The following SPATA16 variants were observed in gnomAD, a reference collection of about 807,000 sequenced individuals.
SPATA16 encodes spermatogenesis associated 16, also known as spermatogenesis-associated protein 16.
In SPATA16, 36 loss-of-function variants were observed where a neutral mutation model predicts 63.3. The ratio of observed to expected loss-of-function variants is 0.57; its 90% CI spans 0.44 to 0.75. The LOEUF is 0.75. SPATA16 is among the 30% of genes least tolerant of loss of function. The probability of loss-of-function intolerance (pLI) is 0.00; values close to 1 mark genes in which losing one functional copy is unlikely to be tolerated. For missense variants in SPATA16, 646 were observed against 679.3 expected (o/e 0.95, Z 0.54); for synonymous variants, 203 against 216.7 (o/e 0.94, Z 0.56).
chr3:173,003,314 T>C (rs536144253), intron 4 of SPATA16, among the ~76,000 whole-genome samples: 2 of 152,166 alleles, frequency 1.3e-5, no homozygotes, highest in Non-Finnish European at 2.9e-5. Context: ...ATACTTAATA[T>C]GCTCATTAGT....
intron 4 of SPATA16, among the ~76,000 whole-genome samples, chr3:173,016,332 C>G (rs1464014305): frequency 6.6e-6 from 1 of 152,180 alleles, no homozygotes; most frequent in Non-Finnish European, 1.5e-5. Flanking sequence ...TCCAGCCTCT[C>G]TTGTTGAGAG....
intron 7 of SPATA16, 59 bp from the exon 8 acceptor site, chr3:172,924,376 T>G: frequency 7.3e-7 from 1 of 1,374,502 alleles, no homozygotes; most frequent in South Asian, 1.2e-5. Flanking sequence ...TTTCAAAATA[T>G]TTTCTTTAGC....
At position 172,976,997 on chromosome 3, in the gene SPATA16, T is replaced by C. The variant is rs780235993; in HGVS notation, c.904A>G (p.Ile302Val). 14 of 1,612,284 alleles carry C rather than the reference T, an allele frequency of 8.7e-6. No individual in the cohort carries two copies. The highest frequency in any genetic ancestry group is 3.3e-4 in the Middle Eastern group (2 of 6,060). ...CAATACAGTTTGATGAGCTTGCTTA[T>C]GCTCTCTTCCCTTCCTCCACCAAGC... ...FWLGGGREESISKLIKLYWQA... is the reference protein window; with the variant it reads ...FWLGGGREESVSKLIKLYWQA... Residue 302 changes from isoleucine (I) to valine (V), a missense_variant, in exon 5 of 11, where the codon ATA (isoleucine) becomes GTA (valine). Coordinates refer to ENST00000351008, the MANE Select transcript of SPATA16 (RefSeq NM_031955.6).
intron 5 of SPATA16, among the ~76,000 whole-genome samples, chr3:172,971,512 C>T (rs1499624): frequency 0.3 from 46,280 of 151,956 alleles, 7,749 homozygotes; most frequent in Middle Eastern, 0.39. Flanking sequence ...ATTTAAGTAC[C>T]TTATAGTCTG....
In SPATA16 at chr3:172,924,297, G is replaced by T. The variant is rs796111242; in HGVS notation, c.1249C>A (p.Leu417Met). ...IFTEHKTPFG[L>M]TREDTVRQME... ...TGCCTCACTGTATCTTCTCTGGTCA[G>T]ACCGAAAGGTGTTTTATGCTCTAAA... The change falls in exon 8 of 11, where the codon CTG becomes ATG. Residue 417 changes from leucine (L) to methionine (M), a missense_variant. By Grantham distance (15) the Leu-to-Met change is conservative (BLOSUM62 2). Coordinates refer to ENST00000351008, the MANE Select transcript of SPATA16 (RefSeq NM_031955.6). 6.2e-7 allele frequency: 1 copy of T among 1,613,044 alleles called. No homozygotes were observed. Among genetic ancestry groups the T allele is most frequent in the South Asian group, 1.1e-5 (1 of 91,048 alleles).
intron 2 of SPATA16, among the ~76,000 whole-genome samples, chr3:173,068,389 T>A (rs1736575038): frequency 6.6e-6 from 1 of 152,240 alleles, no homozygotes; most frequent in South Asian, 2.1e-4. Flanking sequence ...TTCTATTTGC[T>A]TCTTTGTTTT....
At chr3:172,908,834 T>C in intron 10 of SPATA16, among the ~76,000 whole-genome samples, 1 of 151,846 alleles carries the variant, frequency 6.6e-6, no homozygotes, top group East Asian at 1.9e-4. Context: ...CTTGTACAAT[T>C]AGGTTTTTTT....
intron 10 of SPATA16, among the ~76,000 whole-genome samples, chr3:172,909,657 T>C (rs139670366): frequency 6.6e-6 from 1 of 152,200 alleles, no homozygotes; most frequent in East Asian, 1.9e-4. Flanking sequence ...TCCAGCCCCA[T>C]GCATGGAAGC....
At chr3:173,021,121 A>G (rs1428232845) in intron 3 of SPATA16, among the ~76,000 whole-genome samples, 1 of 152,218 alleles carries the variant, frequency 6.6e-6, no homozygotes, top group Non-Finnish European at 1.5e-5. Context: ...AATAAAGTAG[A>G]AAAAAATCTG....
intron 4 of SPATA16, among the ~76,000 whole-genome samples, chr3:173,009,551 G>A (rs377059146): frequency 9.8e-5 from 15 of 152,342 alleles, no homozygotes; most frequent in East Asian, 5.8e-4. Flanking sequence ...GAGCACCCTA[G>A]AGCCAGCTAC....
At chr3:172,993,672 G>C (rs1577122733) in intron 4 of SPATA16, among the ~76,000 whole-genome samples, 1 of 152,096 alleles carries the variant, frequency 6.6e-6, no homozygotes, top group Admixed American at 6.6e-5. Flanking sequence ...TTTGTGTATA[G>C]GTTGTATACA....
rs570038804 is a variant in SPATA16, at chr3:173,068,983, G to A, written c.613-19889C>T. ...AAATTAGCCGGGCGTGGTGGCAGGC[G>A]CCTGTAGTCCCAGCTACTCGGGAGG... On this transcript the variant is annotated intron_variant, in intron 2 of 10. Coordinates refer to ENST00000351008, the MANE Select transcript of SPATA16 (RefSeq NM_031955.6). Among the ~76,000 whole-genome samples, 867 of 151,332 alleles carry A rather than the reference G, an allele frequency of 5.7e-3. 8 individuals are homozygous for A. The highest frequency in any genetic ancestry group is 0.02 in the African/African-American group (812 of 41,146).
At chr3:173,102,292 T>C (rs906845398) in intron 2 of SPATA16, among the ~76,000 whole-genome samples, 1 of 152,240 alleles carries the variant, frequency 6.6e-6, no homozygotes, top group Non-Finnish European at 1.5e-5. Flanking sequence ...CAGGTTCTTA[T>C]ATGTTCAAAT....
At position 173,073,955 on chromosome 3, in the gene SPATA16, G is replaced by C. The variant is rs367677901; in HGVS notation, c.613-24861C>G. Among the ~76,000 whole-genome samples the C allele has an allele frequency of 9.2e-5, 14 of 152,212 alleles. 2 individuals are homozygous for C. The highest frequency in any genetic ancestry group is 3.4e-4 in the African/African-American group (14 of 41,464). On this transcript the variant is annotated intron_variant, in intron 2 of 10. Transcript: ENST00000351008. Reference sequence around the variant, plus strand: ...CCATGGGAACCCACCTCTTGCATCAGTGTGACCTGGATAAGAGACATGGAG... The same window carrying C: ...CCATGGGAACCCACCTCTTGCATCACTGTGACCTGGATAAGAGACATGGAG...
At chr3:173,012,837 C>G (rs1008689126) in intron 4 of SPATA16, among the ~76,000 whole-genome samples, 5 of 152,088 alleles carry the variant, frequency 3.3e-5, no homozygotes, top group Non-Finnish European at 5.9e-5. Flanking sequence ...GGAAGAAAAC[C>G]TAGGATATAC....
Position 172,980,668 on chromosome 3 carries a change from C to T in SPATA16, c.849-3616G>A, listed in dbSNP as rs145666008. ...CGCCTAATCATGGAAACTGCTCCGC[C>T]AAGTATCTCACTCTTCTAGTTTCTT... is the stretch of plus-strand genomic sequence containing the variant. On this transcript the variant is annotated intron_variant, in intron 4 of 10. Transcript: ENST00000351008. Among the ~76,000 whole-genome samples the T allele has an allele frequency of 8.0e-3, 1,219 of 152,268 alleles. 11 individuals are homozygous for T. Among genetic ancestry groups the T allele is most frequent in the South Asian group, 0.051 (247 of 4,820 alleles).
At chr3:173,118,078 C>A (rs1164142112) in intron 1 of SPATA16, among the ~76,000 whole-genome samples, 1 of 152,048 alleles carries the variant, frequency 6.6e-6, no homozygotes, top group Non-Finnish European at 1.5e-5. Flanking sequence ...GCCACTGAGA[C>A]AAGAAAAGCC....
At chr3:172,912,393 A>C (rs1209415385) in intron 10 of SPATA16, among the ~76,000 whole-genome samples, 1 of 151,958 alleles carries the variant, frequency 6.6e-6, no homozygotes, top group East Asian at 1.9e-4. Context: ...ATATCTAACT[A>C]TTTTTTCTGG....
chr3:172,986,726 G>A (rs1178704558), intron 4 of SPATA16, among the ~76,000 whole-genome samples: 2 of 152,174 alleles, frequency 1.3e-5, no homozygotes, highest in African/African-American at 2.4e-5. Flanking sequence ...CATCCTGTGG[G>A]TAATGGGGAG....
Sources: allele counts gnomAD v4.1 joint callset (sites outside exome capture counted in the v4.1 genomes callset), GRCh38; gene constraint gnomAD v4.1.1; transcripts MANE v1.5; gene names NCBI Gene and HGNC (gene_info 2026-07-23, HGNC 2026-07-21).